Variants in FAM171A1 observed in about 807,000 individuals in gnomAD.
The protein encoded by FAM171A1 is protein FAM171A1.
Under a neutral mutation model 74.9 loss-of-function variants are expected in FAM171A1, and 23 were observed. That is an observed-to-expected ratio of 0.31 (90% CI 0.22 to 0.44). The LOEUF (loss-of-function observed/expected upper bound fraction) is 0.44. Ranked by LOEUF, FAM171A1 falls within the 20% of genes least tolerant of loss-of-function variation. The probability of loss-of-function intolerance (pLI) is 1.00; values close to 1 mark genes in which losing one functional copy is unlikely to be tolerated. For missense variants in FAM171A1, 1,162 were observed against 1,159.2 expected (o/e 1.00, Z -0.03); for synonymous variants, 527 against 505.7 (o/e 1.04, Z -0.57).
intron 1 of FAM171A1, among the ~76,000 whole-genome samples, chr10:15,305,857 G>C (rs1385553025): frequency 2.0e-5 from 3 of 152,120 alleles, no homozygotes; most frequent in African/African-American, 7.2e-5. Context: ...TCGGAGAAAG[G>C]CTTGCTGGTG....
chr10:15,340,018 C>T (rs1835747879), intron 1 of FAM171A1, among the ~76,000 whole-genome samples: 1 of 152,174 alleles, frequency 6.6e-6, no homozygotes, highest in African/African-American at 2.4e-5. Flanking sequence ...ATTCAATTAT[C>T]TCCCACTGGG....
intron 1 of FAM171A1, among the ~76,000 whole-genome samples, chr10:15,356,224 A>G (rs1473686218): frequency 6.7e-6 from 1 of 149,896 alleles, no homozygotes; most frequent in Non-Finnish European, 1.5e-5. Flanking sequence ...ACATACATAT[A>G]TATATATAAA....
chr10:15,364,245 T>C lies in FAM171A1; in HGVS notation c.97+6711A>G, dbSNP rs372087847. 9.8e-5 allele frequency among the ~76,000 whole-genome samples: 15 copies of C among 152,290 alleles called. 1 individual carries two copies. Among genetic ancestry groups the C allele is most frequent in the African/African-American group, 3.4e-4 (14 of 41,560 alleles). ...GGTTTCAGAGGCTACATGTTCTCCC[T>C]GCAGGTGTGAATCCCAGCTCTGGAA... On this transcript the variant is annotated intron_variant, in intron 1 of 7. Transcript: ENST00000378116.
chr10:15,280,134 C>G (rs966760847), intron 2 of FAM171A1, among the ~76,000 whole-genome samples: 1 of 152,014 alleles, frequency 6.6e-6, no homozygotes, highest in African/African-American at 2.4e-5. Flanking sequence ...ACAATGCAGA[C>G]AAACACAGAC....
At position 15,371,121 on chromosome 10, in the gene FAM171A1, G is replaced by C. The variant is rs889479365; in HGVS notation, c.-69C>G. 1.0e-4 allele frequency: 66 copies of C among 647,314 alleles called. No homozygotes were observed. Among genetic ancestry groups the C allele is most frequent in the Non-Finnish European group, 1.2e-4 (61 of 524,570 alleles). 40.1% of individuals were successfully genotyped at this position (647,314 alleles called of 1,614,324 possible). ...GCCGGGCGGCGGCGCGTCACGGGCG[G>C]CCGGGCGCCGCGCCCCCCTCCATGT... On this transcript the variant is annotated 5_prime_UTR_variant, in exon 1 of 8. Transcript: ENST00000378116.
At chr10:15,339,928 G>A (rs1254115174) in intron 1 of FAM171A1, among the ~76,000 whole-genome samples, 1 of 152,084 alleles carries the variant, frequency 6.6e-6, no homozygotes, top group Non-Finnish European at 1.5e-5. Context: ...TGAGCAAAAG[G>A]GGTTTCTCCT....
intron 5 of FAM171A1, among the ~76,000 whole-genome samples, chr10:15,238,065 C>T (rs545914806): frequency 1.3e-5 from 2 of 152,300 alleles, no homozygotes; most frequent in South Asian, 4.1e-4. Context: ...TCTAAAATCA[C>T]GTCACACATC....
rs1835525877 is a variant in FAM171A1, at chr10:15,324,469, A to T, written c.98-40364T>A. Among the ~76,000 whole-genome samples, 5 of 152,242 alleles carry T rather than the reference A, an allele frequency of 3.3e-5. No homozygotes were observed. In the South Asian group the frequency reaches 1.0e-3, roughly 32 times the overall value. ...CCATAACGTATCGTGAATATTCCAAATTTTTATCATCTTCTCCAGGCAATC... is the reference window on the plus strand; with the variant it reads ...CCATAACGTATCGTGAATATTCCAATTTTTTATCATCTTCTCCAGGCAATC... On this transcript the variant is annotated intron_variant, in intron 1 of 7. Transcript: ENST00000378116.
chr10:15,229,464 C>T (rs1834155919), intron 5 of FAM171A1, among the ~76,000 whole-genome samples: 1 of 110,846 alleles, frequency 9.0e-6, no homozygotes, highest in Non-Finnish European at 2.1e-5. Flanking sequence ...TCATTGTCAC[C>T]ATCATCACCA....
intron 5 of FAM171A1, among the ~76,000 whole-genome samples, chr10:15,245,476 C>T (rs540012975): frequency 2.7e-4 from 41 of 152,330 alleles, no homozygotes; most frequent in African/African-American, 9.9e-4. Context: ...ATTGTGTGAG[C>T]CATTCCTTAA....
intron 1 of FAM171A1, among the ~76,000 whole-genome samples, chr10:15,362,141 CATCTT>C (rs1226944335): frequency 6.6e-6 from 1 of 152,166 alleles, no homozygotes; most frequent in Non-Finnish European, 1.5e-5. Flanking sequence ...CACATTTGAT[CATCTT>C]ATCTACCCAT....
intron 1 of FAM171A1, among the ~76,000 whole-genome samples, chr10:15,291,352 C>CA (rs1300138422): frequency 1.3e-5 from 2 of 152,154 alleles, no homozygotes; most frequent in African/African-American, 2.4e-5. Flanking sequence ...CCATCAGCCA[C>CA]ATGTGAGCAT....
intron 5 of FAM171A1, among the ~76,000 whole-genome samples, chr10:15,232,898 C>T (rs530810810): frequency 6.6e-6 from 1 of 152,318 alleles, no homozygotes; most frequent in East Asian, 1.9e-4. Context: ...CGGGAGTCCC[C>T]CACCTCCAGG....
chr10:15,374,287 T>G (rs920187183), upstream of FAM171A1, among the ~76,000 whole-genome samples: 1 of 152,192 alleles, frequency 6.6e-6, no homozygotes, highest in African/African-American at 2.4e-5. Flanking sequence ...ATTTGCATAG[T>G]ACATTCTGCA....
chr10:15,365,781 G>T (rs200855863), intron 1 of FAM171A1, among the ~76,000 whole-genome samples: 6 of 80,106 alleles, frequency 7.5e-5, no homozygotes, highest in Non-Finnish European at 1.6e-4. Context: ...AAAAAAAAAA[G>T]AGAGAGAAAT....
chr10:15,298,413 C>T (rs926340441), intron 1 of FAM171A1, among the ~76,000 whole-genome samples: 4 of 151,842 alleles, frequency 2.6e-5, no homozygotes, highest in East Asian at 1.9e-4. Context: ...GGATTACAGG[C>T]GTGAGCCACC....
At chr10:15,241,265 C>T (rs1834361028) in intron 5 of FAM171A1, 1 of 152,190 alleles carries the variant, frequency 6.6e-6, no homozygotes, top group African/African-American at 2.4e-5. Flanking sequence ...GCTGTCTGGG[C>T]ACCCCAGTTT....
In FAM171A1 at chr10:15,361,682, C is replaced by CA. The variant is rs78191567; in HGVS notation, c.97+9273dup. ...TGGGTGACAGAGCAAGACTCTGTCT[C>CA]AAAAAAAAATCATAAATCTTACTGA... On this transcript the variant is annotated intron_variant, in intron 1 of 7. Coordinates refer to ENST00000378116, the MANE Select transcript of FAM171A1 (RefSeq NM_001010924.2). Among the ~76,000 whole-genome samples the CA allele has an allele frequency of 6.9e-3, 1,041 of 150,434 alleles. 24 individuals carry two copies. In the East Asian group the frequency reaches 0.079, roughly 11 times the overall value.
At chr10:15,354,238 G>C (rs1343859238) in intron 1 of FAM171A1, among the ~76,000 whole-genome samples, 1 of 152,110 alleles carries the variant, frequency 6.6e-6, no homozygotes, top group East Asian at 1.9e-4. Flanking sequence ...GCTCACACTT[G>C]TAATCCCAGC....
Sources: gnomAD v4.1 joint callset for allele counts (sites outside exome capture counted in the v4.1 genomes callset) on GRCh38, gnomAD v4.1.1 for gene constraint, MANE v1.5 for transcripts, NCBI Gene and HGNC (gene_info 2026-07-23, HGNC 2026-07-21) for gene names.